Variants in STX18 observed in about 807,000 individuals in gnomAD.
The protein encoded by STX18 is syntaxin 18.
Under a neutral mutation model 50.1 loss-of-function variants are expected in STX18, and 40 were observed. The observed-to-expected ratio is 0.80, with a 90% CI of 0.62 to 1.04. The LOEUF is 1.04. Ranked by LOEUF, STX18 falls within the 50% of genes least tolerant of loss-of-function variation. The pLI is 0.00. For synonymous variants in STX18, 158 were observed against 151.8 expected, an observed-to-expected ratio of 1.04 and a Z score of -0.30; for missense variants, 410 against 415.8, an observed-to-expected ratio of 0.99 and a Z score of 0.12.
chr4:4,477,275 G>A (rs907657084), intron 1 of STX18, among the ~76,000 whole-genome samples: 2 of 152,054 alleles, frequency 1.3e-5, no homozygotes, highest in African/African-American at 2.4e-5. Context: ...ACAAACTCAT[G>A]TAGTACTTTC....
chr4:4,523,969 C>T (rs1730634855), intron 1 of STX18, among the ~76,000 whole-genome samples: 1 of 152,200 alleles, frequency 6.6e-6, no homozygotes, highest in South Asian at 2.1e-4. Context: ...TTCTTCACTT[C>T]CACCTGTGTC....
intron 2 of STX18, among the ~76,000 whole-genome samples, chr4:4,463,171 G>C (rs1430173454): frequency 6.6e-6 from 1 of 152,164 alleles, no homozygotes; most frequent in Non-Finnish European, 1.5e-5. Flanking sequence ...TTTCTGAAAA[G>C]GGCCAGAGAG....
chr4:4,454,890 G>A (rs945484470), intron 5 of STX18, among the ~76,000 whole-genome samples: 2 of 152,146 alleles, frequency 1.3e-5, no homozygotes, highest in Non-Finnish European at 2.9e-5. Flanking sequence ...ATACTGCCTG[G>A]CACATGGTAA....
chr4:4,493,423 T>C (rs894402786), intron 1 of STX18, among the ~76,000 whole-genome samples: 14 of 152,268 alleles, frequency 9.2e-5, no homozygotes, highest in African/African-American at 3.1e-4. Flanking sequence ...GAATTGTAAA[T>C]AGTAAGAATA....
intron 1 of STX18, among the ~76,000 whole-genome samples, chr4:4,533,992 C>T (rs1368000240): frequency 1.3e-5 from 2 of 152,202 alleles, no homozygotes; most frequent in Admixed American, 6.5e-5. Flanking sequence ...AACCTGGCAT[C>T]CACACGGGCC....
chr4:4,532,678 A>T (rs1445193027), intron 1 of STX18, among the ~76,000 whole-genome samples: 2 of 152,184 alleles, frequency 1.3e-5, no homozygotes, highest in Non-Finnish European at 2.9e-5. Context: ...ACACCCAGAG[A>T]GGTTAGGTGA....
At chr4:4,473,060 T>C (rs1006880329) in intron 1 of STX18, among the ~76,000 whole-genome samples, 2 of 152,198 alleles carry the variant, frequency 1.3e-5, no homozygotes, top group Non-Finnish European at 2.9e-5. Flanking sequence ...TTCACGTACA[T>C]GGCCTATTTC....
Position 4,434,789 on chromosome 4 carries a change from G to T in STX18, c.683C>A (p.Ser228Tyr). ...WGDGKGEDELSPEEIQMFEQE... is the reference protein window; with the variant it reads ...WGDGKGEDELYPEEIQMFEQE... Reference sequence around the variant, plus strand: ...CATTACCATTTGTATTTCTTCTGGGGATAACTCATCTTCGCCTTTGCCATC... The same window carrying T: ...CATTACCATTTGTATTTCTTCTGGGTATAACTCATCTTCGCCTTTGCCATC... Residue 228 changes from serine (S) to tyrosine (Y), a missense_variant, in exon 7 of 11, where the codon TCC becomes TAC. Transcript: ENST00000306200. 6.2e-7 allele frequency: 1 copy of T among 1,606,610 alleles called. No homozygotes were observed. Among genetic ancestry groups the T allele is most frequent in the Non-Finnish European group, 8.5e-7 (1 of 1,177,996 alleles).
Position 4,541,951 on chromosome 4 carries a change from A to C in STX18, c.14T>G (p.Ile5Ser). 1 of 1,605,034 alleles carries C rather than the reference A, an allele frequency of 6.2e-7. No individual in the cohort carries two copies. The highest frequency in any genetic ancestry group is 1.1e-5 in the South Asian group (1 of 90,016). The change falls in exon 1 of 11, where the codon ATC becomes AGC. Residue 5 changes from isoleucine to serine, a missense_variant. By Grantham distance (142) the Ile-to-Ser change is moderately radical. Transcript: ENST00000306200. MAVD[I>S]TLLFRASVKT... is the part of the protein sequence containing the mutation. ...GACGCTGGCCCGGAATAGCAGCGTGATGTCCACCGCCATAGCGACCCGCAC... is the reference window on the plus strand; with the variant it reads ...GACGCTGGCCCGGAATAGCAGCGTGCTGTCCACCGCCATAGCGACCCGCAC...
chr4:4,473,822 T>C (rs187325036), intron 1 of STX18, among the ~76,000 whole-genome samples: 1 of 152,264 alleles, frequency 6.6e-6, no homozygotes, highest in African/African-American at 2.4e-5. Context: ...GTGGGTAGAA[T>C]ACATTCGACA....
At chr4:4,430,411 C>G (rs1725461460) in intron 7 of STX18, among the ~76,000 whole-genome samples, 1 of 152,134 alleles carries the variant, frequency 6.6e-6, no homozygotes, top group Non-Finnish European at 1.5e-5. Context: ...AGCTATTATT[C>G]CCAATTAAGA....
intron 5 of STX18, among the ~76,000 whole-genome samples, chr4:4,441,813 C>T (rs1254274513): frequency 6.6e-6 from 1 of 152,064 alleles, no homozygotes. Context: ...AAATATTGAA[C>T]TCTAGTTAAT....
intron 1 of STX18, among the ~76,000 whole-genome samples, chr4:4,522,812 A>G (rs1017562038): frequency 6.6e-6 from 1 of 152,230 alleles, no homozygotes; most frequent in South Asian, 2.1e-4. Flanking sequence ...AGAAGTCAAG[A>G]TACTTGCATT....
chr4:4,471,522 C>T (rs772234266), intron 2 of STX18, 117 bp downstream of exon 2: 5 of 631,342 alleles, frequency 7.9e-6, no homozygotes, highest in Non-Finnish European at 1.3e-5. Context: ...CCAAACTGGT[C>T]TTCCTCATTA....
Position 4,420,399 on chromosome 4 carries a change from G to T in STX18, c.913-270C>A, listed in dbSNP as rs1486733849. The T allele has an allele frequency of 2.1e-6, 1 of 468,360 alleles. No homozygotes were observed. The highest frequency in any genetic ancestry group is 5.7e-4 in the Middle Eastern group (1 of 1,764). The allele number at this position is 468,360 out of a possible 1,614,324, so 29.0% of individuals were successfully genotyped here. ...ACTCCCTTCTGTCCCAGGGTTAAGG[G>T]CCCCGAGCAGAGTGTGACCGCAAGC... On this transcript the variant is annotated intron_variant, in intron 10 of 10. Transcript: ENST00000306200. This position sits in a 1 kb window ranked among gnomAD's most constrained non-coding sequence, Gnocchi z 4.3.
chr4:4,429,274 T>C (rs1725408103), intron 7 of STX18, among the ~76,000 whole-genome samples: 2 of 152,236 alleles, frequency 1.3e-5, no homozygotes, highest in Admixed American at 1.3e-4. Context: ...TCAACTGCTT[T>C]ATCCCATTTA....
chr4:4,531,121 T>C (rs988649607), intron 1 of STX18, among the ~76,000 whole-genome samples: 1 of 151,636 alleles, frequency 6.6e-6, no homozygotes, highest in African/African-American at 2.4e-5. Context: ...TCTTACTGAT[T>C]TACAACACAT....
chr4:4,509,729 G>C (rs981721915), intron 1 of STX18, among the ~76,000 whole-genome samples: 1 of 152,192 alleles, frequency 6.6e-6, no homozygotes, highest in Admixed American at 6.5e-5. Context: ...TCTAGGAAGA[G>C]TGTAGGGAAA....
intron 7 of STX18, chr4:4,425,574 TTTG>T (rs778087200): frequency 4.1e-5 from 14 of 338,582 alleles, no homozygotes; most frequent in Non-Finnish European, 5.5e-5. Context: ...AGAAAATTCT[TTTG>T]TTGTTGTTTT....
Sources: allele counts gnomAD v4.1 joint callset (sites outside exome capture counted in the v4.1 genomes callset), GRCh38; gene constraint gnomAD v4.1.1; non-coding constraint Gnocchi (gnomAD v3.1); transcripts MANE v1.5; gene names NCBI Gene and HGNC (gene_info 2026-07-23, HGNC 2026-07-21).